Variants in FHAD1 observed in about 807,000 individuals in gnomAD.
The protein encoded by FHAD1 is forkhead-associated domain-containing protein 1.
FHAD1 carries 146 observed loss-of-function variants against 191.3 expected under a neutral mutation model. That is an observed-to-expected ratio of 0.76 (90% confidence interval 0.67 to 0.88). The LOEUF (loss-of-function observed/expected upper bound fraction) is 0.88, where lower values mean the gene tolerates loss of function less well. Ranked by LOEUF, FHAD1 falls within the 40% of genes least tolerant of loss-of-function variation. The pLI is 0.00. For missense variants in FHAD1, 1,635 were observed against 1,785.8 expected (o/e 0.92, Z 1.52); for synonymous variants, 616 against 672.3 (o/e 0.92, Z 1.29).
chr1:15,340,885 A>G (rs534014020), intron 15 of FHAD1, among the ~76,000 whole-genome samples: 8 of 152,226 alleles, frequency 5.3e-5, no homozygotes, highest in Non-Finnish European at 7.3e-5. Context: ...CACTGTTCCA[A>G]TAAAACTTTA....
chr1:15,306,039 T>C (rs1670390065), intron 6 of FHAD1, among the ~76,000 whole-genome samples: 2 of 152,184 alleles, frequency 1.3e-5, no homozygotes, highest in Non-Finnish European at 2.9e-5. Context: ...GTTTGGAACT[T>C]TCTAGAGACT....
chr1:15,378,681 T>TA (rs1413542102), intron 28 of FHAD1, among the ~76,000 whole-genome samples: 1 of 152,258 alleles, frequency 6.6e-6, no homozygotes, highest in Non-Finnish European at 1.5e-5. Flanking sequence ...CCACTCTTAA[T>TA]ATAGACAAAT....
At chr1:15,395,141 A>C (rs1219437003) in intron 33 of FHAD1, among the ~76,000 whole-genome samples, 1 of 151,942 alleles carries the variant, frequency 6.6e-6, no homozygotes, top group East Asian at 1.9e-4. Flanking sequence ...GTGAAACCCC[A>C]TCTCTACAAA....
chr1:15,332,320 C>T (rs1362946676), intron 14 of FHAD1, among the ~76,000 whole-genome samples: 1 of 152,156 alleles, frequency 6.6e-6, no homozygotes, highest in Non-Finnish European at 1.5e-5. Context: ...AATAATAGAG[C>T]CAAGCTACGT....
chr1:15,323,800 T>TC (rs200410568), intron 10 of FHAD1, among the ~76,000 whole-genome samples: 2,139 of 152,286 alleles, frequency 0.014, 17 homozygotes, highest in Non-Finnish European at 0.021. Context: ...TGGGCAAGTT[T>TC]CCCCACTTTA....
chr1:15,291,443 T>C (rs1664746294), intron 4 of FHAD1, among the ~76,000 whole-genome samples: 1 of 152,224 alleles, frequency 6.6e-6, no homozygotes, highest in Non-Finnish European at 1.5e-5. Flanking sequence ...CATTAATTCA[T>C]CTTAATTTTA....
At position 15,341,763 on chromosome 1, in the gene FHAD1, C is replaced by T. The variant is rs997700548; in HGVS notation, c.2005C>T (p.Gln669Ter). Residue 669 changes from glutamine (Q) to a stop codon, truncating the protein, a stop_gained, in exon 16 of 34, where the codon CAG becomes TAG. Coordinates refer to ENST00000688493, the MANE Select transcript of FHAD1 (RefSeq NM_001391957.1). LOFTEE classifies it high-confidence loss of function. Reference sequence around the variant, plus strand: ...CAAGTTCAACAGTTCTCAGGAAACTCAGCAGTCTTTACTGCAGGAAAAGCT... The same window carrying T: ...CAAGTTCAACAGTTCTCAGGAAACTTAGCAGTCTTTACTGCAGGAAAAGCT... ...QIKFNSSQET[Q>*]QSLLQEKLRE... is the part of the protein sequence containing the mutation. The T allele has an allele frequency of 1.3e-6, 2 of 1,551,414 alleles. No homozygotes were observed. The highest frequency in any genetic ancestry group is 1.7e-6 in the Non-Finnish European group (2 of 1,146,780).
At chr1:15,244,762 G>A (rs1354645080), upstream of FHAD1, among the ~76,000 whole-genome samples, 3 of 150,898 alleles carry the variant, frequency 2.0e-5, no homozygotes, top group Non-Finnish European at 4.4e-5. This position sits in a 1 kb window ranked among gnomAD's most constrained non-coding sequence, Gnocchi z 5.1. Flanking sequence ...CAGGGGTCAG[G>A]GAGGGAGACA....
intron 22 of FHAD1, among the ~76,000 whole-genome samples, chr1:15,362,092 C>T (rs1288781623): frequency 6.6e-6 from 1 of 152,042 alleles, no homozygotes; most frequent in Non-Finnish European, 1.5e-5. Flanking sequence ...TGAGCTGGGA[C>T]CTGAAGGGTG....
intron 2 of FHAD1, among the ~76,000 whole-genome samples, chr1:15,253,762 C>T (rs528028134): frequency 6.6e-6 from 1 of 152,240 alleles, no homozygotes; most frequent in East Asian, 1.9e-4. Context: ...TTTATTTTTA[C>T]TTATTTGATC....
intron 3 of FHAD1, among the ~76,000 whole-genome samples, chr1:15,277,869 A>G (rs989841562): frequency 3.3e-5 from 5 of 152,120 alleles, no homozygotes; most frequent in African/African-American, 1.2e-4. Flanking sequence ...ATGTTTAATG[A>G]GCATTTACTA....
intron 10 of FHAD1, among the ~76,000 whole-genome samples, chr1:15,319,780 A>G (rs992333833): frequency 1.3e-5 from 2 of 152,250 alleles, no homozygotes; most frequent in African/African-American, 2.4e-5. Flanking sequence ...TCAAATCATA[A>G]TTGTATAATT....
At chr1:15,268,565 C>T (rs1030299270) in intron 2 of FHAD1, among the ~76,000 whole-genome samples, 60 of 130,674 alleles carry the variant, frequency 4.6e-4, no homozygotes, top group South Asian at 2.2e-3. Flanking sequence ...CCTGAGGAAT[C>T]GCCACACTGA....
upstream of FHAD1, among the ~76,000 whole-genome samples, chr1:15,244,552 G>A (rs934101749): frequency 4.6e-5 from 7 of 152,096 alleles, no homozygotes; most frequent in Non-Finnish European, 1.0e-4. The surrounding 1 kb of genome is among the most constrained non-coding windows in gnomAD (Gnocchi z 5.1). Context: ...CCTGGGCAGG[G>A]GACTAGAGAA....
chr1:15,345,223 G>A, intron 17 of FHAD1, 33 bp downstream of exon 17: 1 of 1,523,848 alleles, frequency 6.6e-7, no homozygotes, highest in South Asian at 1.2e-5. Flanking sequence ...GTCAGCTCGA[G>A]CCCCACTGCA....
intron 2 of FHAD1, among the ~76,000 whole-genome samples, chr1:15,267,421 G>A (rs1653993939): frequency 6.6e-6 from 1 of 152,106 alleles, no homozygotes; most frequent in African/African-American, 2.4e-5. Context: ...TTCCTTTCTT[G>A]TAATGTCTTT....
rs563916313 is a variant in FHAD1 at position 15,283,154 on chromosome 1, A to G, written c.301-6245A>G. ...AGGAAAAGGGTATTACCTTTCAGGT[A>G]GTTGGGTCATTGCCATGGAAAGGGG... On this transcript the variant is annotated intron_variant, in intron 3 of 33. Coordinates refer to ENST00000688493, the MANE Select transcript of FHAD1 (RefSeq NM_001391957.1). Among the ~76,000 whole-genome samples, 28 of 152,374 alleles carry G rather than the reference A, an allele frequency of 1.8e-4. No homozygotes were observed. The South Asian group carries it at 5.8e-3, about 32-fold the overall frequency.
chr1:15,283,962 G>A (rs1351503707), intron 3 of FHAD1, among the ~76,000 whole-genome samples: 1 of 152,174 alleles, frequency 6.6e-6, no homozygotes, highest in African/African-American at 2.4e-5. Context: ...AAGCTCCAGG[G>A]GCACAGAGTT....
intron 14 of FHAD1, among the ~76,000 whole-genome samples, chr1:15,336,930 G>A (rs750889003): frequency 1.3e-5 from 2 of 152,122 alleles, no homozygotes; most frequent in Non-Finnish European, 2.9e-5. Context: ...TATCCCTAAC[G>A]AGGGTGTTTT....
Sources: allele counts gnomAD v4.1 joint callset (sites outside exome capture counted in the v4.1 genomes callset), GRCh38; gene constraint gnomAD v4.1.1; non-coding constraint Gnocchi (gnomAD v3.1); transcripts MANE v1.5; gene names NCBI Gene and HGNC (gene_info 2026-07-23, HGNC 2026-07-21).